The following GFAP variants were observed in gnomAD, a reference collection of about 807,000 sequenced individuals.
The protein encoded by GFAP is intermediate filament protein.
In GFAP, 38 loss-of-function variants were observed where a neutral mutation model predicts 49.3. The ratio of observed to expected loss-of-function variants is 0.77; its 90% confidence interval spans 0.60 to 1.01. The LOEUF is 1.01. Among genes scored for constraint, GFAP ranks in the 50% least tolerant of loss-of-function variants. The pLI is 0.00. For synonymous variants in GFAP, 222 were observed against 236.4 expected (o/e 0.94, Z 0.56); for missense variants, 463 against 579.1 (o/e 0.80, Z 2.06).
intron 4 of GFAP, 134 bp from the exon 5 acceptor site, chr17:44,911,931 G>T: frequency 1.0e-6 from 1 of 995,758 alleles, no homozygotes; most frequent in Non-Finnish European, 1.5e-6. Context: ...CAACAACTGT[G>T]ACCCATGGAT....
chr17:44,915,054 C>T lies in GFAP; in HGVS notation c.433G>A (p.Ala145Thr), dbSNP rs141400812. 4.9e-4 allele frequency: 798 copies of T among 1,612,560 alleles called. No homozygotes were observed. Among genetic ancestry groups the T allele is most frequent in the Admixed American group, 2.2e-3 (132 of 60,024 alleles). ...ARLEVERDNL[A>T]QDLATVRQKL... is the part of the protein sequence containing the mutation. The stretch of plus-strand genomic sequence containing the variant: ...TGCCTCACAGTGGCCAGGTCCTGTG[C>T]CAGATTGTCCCTCTCAACCTCCAGC... Residue 145 changes from alanine to threonine, a missense_variant, in exon 1 of 9, where the codon GCA (alanine) becomes ACA (threonine). Physicochemically the swap from Ala to Thr is moderately conservative, Grantham distance 58. Transcript: ENST00000588735. The surrounding 1 kb of genome is among the most constrained non-coding windows in gnomAD (Gnocchi z 4.1).
rs1597850377 is a variant in GFAP, at chr17:44,905,133, G to A, written c.*2214C>T. 7.6e-7 allele frequency: 1 copy of A among 1,315,932 alleles called. No individual in the cohort carries two copies. The highest frequency in any genetic ancestry group is 2.5e-5 in the East Asian group (1 of 39,432). The allele number at this position is 1,315,932 out of a possible 1,614,324, so 81.5% of individuals were successfully genotyped here. ...ATGTGTTTGTTAAATGATACCAGATGTCTCTGGGTGGGTACCCTGGGTTGG... is the reference window on the plus strand; with the variant it reads ...ATGTGTTTGTTAAATGATACCAGATATCTCTGGGTGGGTACCCTGGGTTGG... On this transcript the variant is annotated 3_prime_UTR_variant, in exon 9 of 9. Transcript: ENST00000588735.
At position 44,913,753 on chromosome 17, in the gene GFAP, C is replaced by A; in HGVS notation, c.593G>T (p.Arg198Leu). Residue 198 changes from arginine to leucine, a missense_variant, in exon 3 of 9, where the codon CGG becomes CTG. By Grantham distance (102) the Arg-to-Leu change is moderately radical. Transcript: ENST00000588735. ...CTCCTCGTGGATCTTCCTCAAGAAC[C>A]GGATCTCCTCCTCCAGCGACTCAAT... is the stretch of plus-strand genomic sequence containing the variant. ...RKIESLEEEI[R>L]FLRKIHEEEV... 1.9e-6 allele frequency: 3 copies of A among 1,614,034 alleles called. No homozygotes were observed. The highest frequency in any genetic ancestry group is 2.5e-6 in the Non-Finnish European group (3 of 1,179,868).
At chr17:44,910,789 CT>C in intron 6 of GFAP, 131 bp from the exon 7 acceptor site, 4 of 1,362,246 alleles carry the variant, frequency 2.9e-6, no homozygotes, top group Non-Finnish European at 4.0e-6. Context: ...CATCTCCTAG[CT>C]TTTTCCCCAG....
At position 44,907,213 on chromosome 17, in the gene GFAP, GA is replaced by G; in HGVS notation, c.*133del. On this transcript the variant is annotated 3_prime_UTR_variant, in exon 9 of 9. Coordinates refer to ENST00000588735, the MANE Select transcript of GFAP (RefSeq NM_002055.5). ...AGGGCAGCAAGCTGACCTAGGGACA[GA>G]GGAGGGAGGGGAGCAGCTGGGGTGG... The G allele has an allele frequency of 1.2e-6, 1 of 825,546 alleles. No individual in the cohort carries two copies. 51.1% of individuals were successfully genotyped at this position (825,546 alleles called of 1,614,324 possible).
Position 44,911,812 on chromosome 17 carries a change from C to T in GFAP, c.781-15G>A, listed in dbSNP as rs2051777446. 6.2e-7 allele frequency: 1 copy of T among 1,609,268 alleles called. No individual in the cohort carries two copies. Among genetic ancestry groups the T allele is most frequent in the African/African-American group, 1.3e-5 (1 of 75,000 alleles). On this transcript the variant is annotated splice_polypyrimidine_tract_variant and intron_variant, in intron 4 of 8. Transcript: ENST00000588735. ...AGGTCTGCAAACTAGGTGGGGGACA[C>T]ATATGGGGGGCTGTGTGGGCCCATG...
At chr17:44,914,230 G>A in intron 1 of GFAP, 142 bp from the exon 2 acceptor site, 1 of 646,960 alleles carries the variant, frequency 1.5e-6, no homozygotes, top group Non-Finnish European at 2.8e-6. Context: ...GGGTTGGGGG[G>A]CCTTAGACAG....
In GFAP at chr17:44,911,284, T is replaced by C; in HGVS notation, c.1079A>G (p.Asp360Gly). 1 of 1,614,146 alleles carries C rather than the reference T, an allele frequency of 6.2e-7. No homozygotes were observed. The highest frequency in any genetic ancestry group is 8.5e-7 in the Non-Finnish European group (1 of 1,180,026). Residue 360 changes from aspartate (D) to glycine (G), a missense_variant, in exon 6 of 9, where the codon GAC becomes GGC. By Grantham distance (94) the Asp-to-Gly change is moderately conservative (BLOSUM62 -1). Transcript: ENST00000588735. ...QDLLNVKLAL[D>G]IEIATYRKLL... ...CTTCCTGTAGGTGGCGATCTCGATG[T>C]CCAGGGCCAGCTTGACATTGAGCAG...
chr17:44,903,221 A>T lies in GFAP; in HGVS notation c.*4126T>A. ...ACTGATCTCCACAGCTCTTAACAAGAATGTTTATAGCCCCAAACCAATGAA... is the reference window on the plus strand; with the variant it reads ...ACTGATCTCCACAGCTCTTAACAAGTATGTTTATAGCCCCAAACCAATGAA... On this transcript the variant is annotated 3_prime_UTR_variant, in exon 9 of 9. Coordinates refer to ENST00000588735, the MANE Select transcript of GFAP (RefSeq NM_002055.5). The T allele has an allele frequency of 7.9e-7, 1 of 1,258,056 alleles. No individual in the cohort carries two copies. Among genetic ancestry groups the T allele is most frequent in the East Asian group, 2.9e-5 (1 of 33,986 alleles). The allele number at this position is 1,258,056 out of a possible 1,614,324, so 77.9% of individuals were successfully genotyped here.
rs779925749 is a variant in GFAP at position 44,904,901 on chromosome 17, G to T, written c.*2446C>A. On this transcript the variant is annotated 3_prime_UTR_variant, in exon 9 of 9. Coordinates refer to ENST00000588735, the MANE Select transcript of GFAP (RefSeq NM_002055.5). ...TGTGCTAGTTGCTGGCTTCCGGCTG[G>T]GTGTGACATCTCATGGGCACTACCC... The T allele has an allele frequency of 1.3e-6, 2 of 1,550,596 alleles. No homozygotes were observed. Among genetic ancestry groups the T allele is most frequent in the Non-Finnish European group, 1.7e-6 (2 of 1,146,988 alleles).
chr17:44,911,495 C>T (rs765909944), intron 5 of GFAP, 39 bp from the exon 6 acceptor site: 2 of 1,572,588 alleles, frequency 1.3e-6, no homozygotes, highest in South Asian at 1.2e-5. Context: ...GAGCCCCGAC[C>T]CGACTTGGGG....
At chr17:44,910,050 G>A (rs1199884627) in intron 7 of GFAP, 28 of 1,606,050 alleles carry the variant, frequency 1.7e-5, no homozygotes, top group African/African-American at 2.7e-5. Flanking sequence ...CTGGGAAGAG[G>A]GAACTCAGGG....
chr17:44,904,780 C>T lies in GFAP; in HGVS notation c.*2567G>A, dbSNP rs2051626672. ...GCACACAGTACCTGAAGGGTGTCAA[C>T]AGGTCCATGAGGGTGTTCATTGACC... On this transcript the variant is annotated 3_prime_UTR_variant, in exon 9 of 9. Transcript: ENST00000588735. 6.4e-7 allele frequency: 1 copy of T among 1,550,666 alleles called. No homozygotes were observed. Among genetic ancestry groups the T allele is most frequent in the Non-Finnish European group, 8.7e-7 (1 of 1,146,994 alleles).
At position 44,907,372 on chromosome 17, in the gene GFAP, T is replaced by C. The variant is rs769443611; in HGVS notation, c.1274A>G (p.Lys425Arg). ...MRDGEVIKES[K>R]QEHKDVM ...TCACATCACATCCTTGTGCTCCTGCTTGGACTCCTTAATGACCTGCAGGGG... is the reference window on the plus strand; with the variant it reads ...TCACATCACATCCTTGTGCTCCTGCCTGGACTCCTTAATGACCTGCAGGGG... Residue 425 changes from lysine (K) to arginine (R), a missense_variant, in exon 9 of 9, where the codon AAG becomes AGG. By Grantham distance (26) the Lys-to-Arg change is conservative. Coordinates refer to ENST00000588735, the MANE Select transcript of GFAP (RefSeq NM_002055.5). 37 of 1,613,382 alleles carry C rather than the reference T, an allele frequency of 2.3e-5. No homozygotes were observed. The highest frequency in any genetic ancestry group is 2.9e-5 in the Non-Finnish European group (34 of 1,179,444).
chr17:44,913,960 G>T, intron 2 of GFAP, 68 bp downstream of exon 2: 2 of 1,321,876 alleles, frequency 1.5e-6, no homozygotes, highest in Non-Finnish European at 2.2e-6. Flanking sequence ...GAGCTTGGGG[G>T]CTGTGTTTGG....
rs115282391 is a variant in GFAP at position 44,915,145 on chromosome 17, G to A, written c.342C>T (p.Asp114=). ...GCTCTCGCAGCTCAGCCTGGTAGAC[G>A]TCTGCCAGCTTGGTGGGCTCCTTGG... is the stretch of plus-strand genomic sequence containing the variant. ...LRAKEPTKLA[D]VYQAELRELR... is the part of the protein sequence containing the mutation. Residue 114 remains aspartate, a synonymous_variant, in exon 1 of 9, where the codon GAC becomes GAT. Transcript: ENST00000588735. This position sits in a 1 kb window ranked among gnomAD's most constrained non-coding sequence, Gnocchi z 4.1. The A allele has an allele frequency of 1.7e-5, 27 of 1,613,956 alleles. No homozygotes were observed. The highest frequency in any genetic ancestry group is 3.3e-4 in the Middle Eastern group (2 of 6,076).
chr17:44,909,950 A>G, intron 7 of GFAP: 19 of 1,443,100 alleles, frequency 1.3e-5, no homozygotes, highest in Non-Finnish European at 1.6e-5. Context: ...AAGCTCTGCC[A>G]GTTTAATGTA....
rs544232705 is a variant in GFAP at position 44,915,084 on chromosome 17, C to G, written c.403G>C (p.Ala135Pro). The G allele has an allele frequency of 1.2e-6, 2 of 1,613,350 alleles. No homozygotes were observed. Among genetic ancestry groups the G allele is most frequent in the Non-Finnish European group, 1.7e-6 (2 of 1,180,016 alleles). The part of the protein sequence containing the change: ...LRLDQLTANS[A>P]RLEVERDNLA... ...TTGTCCCTCTCAACCTCCAGCCGGG[C>G]GCTGTTGGCGGTGAGTTGATCGAGC... The change falls in exon 1 of 9, where the codon GCC (alanine) becomes CCC (proline). Residue 135 changes from alanine (A) to proline (P), a missense_variant. Ala to Pro is a conservative substitution (Grantham distance 27, BLOSUM62 -1). Around this residue, in one of 3 missense-constraint regions of GFAP, gnomAD observed 362 missense variants for 445.5 expected, o/e 0.81. Coordinates refer to ENST00000588735, the MANE Select transcript of GFAP (RefSeq NM_002055.5). This position sits in a 1 kb window ranked among gnomAD's most constrained non-coding sequence, Gnocchi z 4.1.
chr17:44,910,903 A>G lies in GFAP; in HGVS notation c.1128-245T>C, dbSNP rs2051747414. The G allele has an allele frequency of 4.8e-6, 3 of 619,152 alleles. No individual in the cohort carries two copies. The East Asian group carries it at 8.4e-5, about 17-fold the overall frequency. 38.4% of individuals were successfully genotyped at this position (619,152 alleles called of 1,614,324 possible). A position where few individuals can be genotyped will look rare whatever the true frequency, so the allele number is the denominator to read the frequency against. ...AAGGAAGATGGAAAAGGGAGGGGAA[A>G]GTGGTGAAGAAAGTTCCAAGGAGGC... is the stretch of plus-strand genomic sequence containing the variant. On this transcript the variant is annotated intron_variant, in intron 6 of 8. Transcript: ENST00000588735.
Sources: allele counts gnomAD v4.1 joint callset, GRCh38; gene constraint gnomAD v4.1.1; regional missense constraint gnomAD v4.1.1; non-coding constraint Gnocchi (gnomAD v3.1); transcripts MANE v1.5; gene names NCBI Gene and HGNC (gene_info 2026-07-23, HGNC 2026-07-21).